The following DTNB variants were observed in gnomAD, a reference collection of about 807,000 sequenced individuals.
The protein encoded by DTNB is DTN-B.
Under a neutral mutation model 90.7 loss-of-function variants are expected in DTNB, and 63 were observed. That is an observed-to-expected ratio of 0.69 (90% CI 0.57 to 0.86). The LOEUF is 0.86. DTNB is among the 40% of genes least tolerant of loss of function. The probability of loss-of-function intolerance (pLI) is 0.00; values close to 1 mark genes in which losing one functional copy is unlikely to be tolerated. For missense variants in DTNB, 744 were observed against 807.1 expected (o/e 0.92, Z 0.95); for synonymous variants, 277 against 286.7 (o/e 0.97, Z 0.34).
chr2:25,568,447 G>T (rs1424815114), intron 8 of DTNB, among the ~76,000 whole-genome samples: 1 of 151,440 alleles, frequency 6.6e-6, no homozygotes, highest in East Asian at 1.9e-4. Flanking sequence ...GAAAAGGAAG[G>T]TTAAGGCTAA....
chr2:25,384,254 A>G (rs181280055), intron 18 of DTNB, among the ~76,000 whole-genome samples: 1 of 152,312 alleles, frequency 6.6e-6, no homozygotes, highest in African/African-American at 2.4e-5. Flanking sequence ...GAAAGTGACC[A>G]TACAATATAT....
At chr2:25,489,234 G>A (rs78609939) in intron 9 of DTNB, among the ~76,000 whole-genome samples, 1,761 of 152,158 alleles carry the variant, frequency 0.012, 28 homozygotes, top group African/African-American at 0.039. Flanking sequence ...ATCATCTGTA[G>A]GAATAGATAA....
At chr2:25,447,374 A>T (rs893018456) in intron 12 of DTNB, among the ~76,000 whole-genome samples, 4 of 152,240 alleles carry the variant, frequency 2.6e-5, no homozygotes, top group African/African-American at 7.2e-5. Context: ...ACTATAACGT[A>T]ATGTAAATGT....
At position 25,619,994 on chromosome 2, in the gene DTNB, C is replaced by T. The variant is rs559163047; in HGVS notation, c.362+8177G>A. Among the ~76,000 whole-genome samples the T allele has an allele frequency of 1.9e-3, 282 of 152,044 alleles. 2 individuals carry two copies. The highest frequency in any genetic ancestry group is 6.6e-3 in the African/African-American group (272 of 41,466). ...GGCGGAGGTTGCAGTGAGCTGAGAT[C>T]GCGCCACTGCACTCCAGCCTGGGCG... On this transcript the variant is annotated intron_variant, in intron 4 of 20. Transcript: ENST00000406818.
intron 8 of DTNB, among the ~76,000 whole-genome samples, chr2:25,568,917 G>A (rs1014685675): frequency 2.0e-4 from 31 of 152,218 alleles, no homozygotes; most frequent in Non-Finnish European, 4.0e-4. Context: ...ACCGCCTGGG[G>A]TGAAAGGCCT....
chr2:25,392,704 A>T (rs1386458189), intron 16 of DTNB, among the ~76,000 whole-genome samples: 1 of 152,248 alleles, frequency 6.6e-6, no homozygotes, highest in South Asian at 2.1e-4. Flanking sequence ...GAAGATACAG[A>T]ATATCTGAAT....
At chr2:25,420,508 ATCT>A (rs1558448138) in intron 15 of DTNB, among the ~76,000 whole-genome samples, 8 of 122,848 alleles carry the variant, frequency 6.5e-5, no homozygotes, top group Non-Finnish European at 1.4e-4. Context: ...CTATCTATCT[ATCT>A]ATCTATCTAT....
chr2:25,558,891 G>A (rs1466847569), intron 8 of DTNB, among the ~76,000 whole-genome samples: 1 of 152,106 alleles, frequency 6.6e-6, no homozygotes, highest in African/African-American at 2.4e-5. Context: ...TCAAAGGGAG[G>A]CCTCTGGTCA....
At chr2:25,392,859 G>T (rs997957879) in intron 16 of DTNB, among the ~76,000 whole-genome samples, 1 of 152,118 alleles carries the variant, frequency 6.6e-6, no homozygotes, top group Non-Finnish European at 1.5e-5. Flanking sequence ...TATTGCAAAA[G>T]ATAGAAAAAG....
At chr2:25,586,312 A>G (rs938097967) in intron 6 of DTNB, among the ~76,000 whole-genome samples, 5 of 151,796 alleles carry the variant, frequency 3.3e-5, no homozygotes, top group Admixed American at 2.0e-4. Context: ...GGAGTTTGAA[A>G]CCAGCTTGGC....
intron 6 of DTNB, 116 bp from the exon 7 acceptor site, chr2:25,580,942 G>T: frequency 1.3e-6 from 1 of 779,268 alleles, no homozygotes; most frequent in Non-Finnish European, 2.0e-6. Context: ...AAATTTTATA[G>T]CAAAATAAAA....
At chr2:25,469,367 G>T (rs2062368784) in intron 10 of DTNB, among the ~76,000 whole-genome samples, 1 of 152,148 alleles carries the variant, frequency 6.6e-6, no homozygotes, top group Admixed American at 6.5e-5. Context: ...TGAAGAGTAG[G>T]GGAGAGCATT....
chr2:25,427,366 CT>C, intron 15 of DTNB, 168 bp downstream of exon 15: 1 of 530,410 alleles, frequency 1.9e-6, no homozygotes, highest in South Asian at 3.2e-5. Flanking sequence ...TGGCTTTGCA[CT>C]AATTTAGATG....
chr2:25,392,024 A>G (rs2041258780), intron 16 of DTNB, among the ~76,000 whole-genome samples: 1 of 152,148 alleles, frequency 6.6e-6, no homozygotes, highest in Admixed American at 6.5e-5. Context: ...AACAAGAACA[A>G]TCCAAGCCCA....
chr2:25,650,843 C>A (rs1033830322), intron 2 of DTNB, among the ~76,000 whole-genome samples: 1 of 152,150 alleles, frequency 6.6e-6, no homozygotes, highest in East Asian at 1.9e-4. Context: ...CACCTGTAAT[C>A]CCAGCTACTC....
At chr2:25,406,050 T>C (rs761169819) in intron 16 of DTNB, among the ~76,000 whole-genome samples, 6 of 152,100 alleles carry the variant, frequency 3.9e-5, no homozygotes, top group African/African-American at 1.2e-4. Context: ...AGGCTGGCGA[T>C]GGCTGGCAGG....
intron 4 of DTNB, among the ~76,000 whole-genome samples, chr2:25,618,291 T>C (rs1198865108): frequency 1.3e-5 from 2 of 152,220 alleles, no homozygotes; most frequent in Admixed American, 1.3e-4. Context: ...AGCACCCTGA[T>C]ACCGCCCGAC....
intron 10 of DTNB, among the ~76,000 whole-genome samples, chr2:25,467,699 CTAAG>C (rs1558650437): frequency 6.6e-6 from 1 of 151,946 alleles, no homozygotes; most frequent in Non-Finnish European, 1.5e-5. Context: ...AATTCTGAGT[CTAAG>C]TAATAAAAAA....
At chr2:25,559,163 C>T (rs1454105836) in intron 8 of DTNB, among the ~76,000 whole-genome samples, 1 of 152,134 alleles carries the variant, frequency 6.6e-6, no homozygotes, top group Non-Finnish European at 1.5e-5. Context: ...GGTTTTTATT[C>T]CTGTGAGGCT....
Sources: gnomAD v4.1 joint callset for allele counts (sites outside exome capture counted in the v4.1 genomes callset) on GRCh38, gnomAD v4.1.1 for gene constraint, MANE v1.5 for transcripts, NCBI Gene and HGNC (gene_info 2026-07-23, HGNC 2026-07-21) for gene names.